PREPL: variants seen among roughly 807,000 people sequenced by gnomAD.
PREPL encodes the protein prolyl endopeptidase like.
PREPL carries 77 observed loss-of-function variants against 70.6 expected under a neutral mutation model. The observed-to-expected ratio is 1.09, with a 90% CI of 0.91 to 1.32. The LOEUF is 1.32. Ranked by LOEUF, PREPL falls within the 40% of genes most tolerant of loss-of-function variation. The pLI is 0.00. For synonymous variants in PREPL, 315 were observed against 264.8 expected (o/e 1.19, Z -1.84); for missense variants, 1,002 against 778.2 (o/e 1.29, Z -3.42).
rs1672679414 is a variant in PREPL at position 44,318,929 on chromosome 2, T to C, written c.*2427A>G. The C allele has an allele frequency of 6.6e-6, 1 of 152,080 alleles. No individual in the cohort carries two copies. The highest frequency in any genetic ancestry group is 1.5e-5 in the Non-Finnish European group (1 of 68,014). The allele number at this position is 152,080 out of a possible 1,614,324, so 9.4% of individuals were successfully genotyped here. ...AATACTCAAATGCAAAATCAACAAATCTGCAATTACAGAAAAAGACTTCAA... is the reference window on the plus strand; with the variant it reads ...AATACTCAAATGCAAAATCAACAAACCTGCAATTACAGAAAAAGACTTCAA... On this transcript the variant is annotated 3_prime_UTR_variant, in exon 14 of 14. Coordinates refer to ENST00000409411, the MANE Select transcript of PREPL (RefSeq NM_001171613.2).
At position 44,321,323 on chromosome 2, in the gene PREPL, G is replaced by A. The variant is rs747238409; in HGVS notation, c.*33C>T. The A allele has an allele frequency of 9.3e-6, 14 of 1,498,340 alleles. No individual in the cohort carries two copies. Among genetic ancestry groups the A allele is most frequent in the Non-Finnish European group, 1.3e-5 (14 of 1,079,558 alleles). 92.8% of individuals were successfully genotyped at this position (1,498,340 alleles called of 1,614,324 possible). ...GGAAGTAAGACTATGAAATATTTCA[G>A]TGTGTTTCCAATTCCCAGTTGAATG... On this transcript the variant is annotated 3_prime_UTR_variant, in exon 14 of 14. Coordinates refer to ENST00000409411, the MANE Select transcript of PREPL (RefSeq NM_001171613.2).
chr2:44,338,830 CAGA>C (rs1261389645), intron 6 of PREPL, among the ~76,000 whole-genome samples: 5 of 152,182 alleles, frequency 3.3e-5, no homozygotes, highest in African/African-American at 1.2e-4. Context: ...CTGATATCAG[CAGA>C]AGAACTGCCT....
Position 44,320,873 on chromosome 2 carries a change from G to T in PREPL, c.*483C>A. ...CTTTATTCAGATAGCATCAATCAGG[G>T]ATGACCAGAACACATTAGGACCCCA... On this transcript the variant is annotated 3_prime_UTR_variant, in exon 14 of 14. Transcript: ENST00000409411. 1 of 546,584 alleles carries T rather than the reference G, an allele frequency of 1.8e-6. No individual in the cohort carries two copies. The highest frequency in any genetic ancestry group is 3.2e-5 in the East Asian group (1 of 31,184). The allele number at this position is 546,584 out of a possible 1,614,324, so 33.9% of individuals were successfully genotyped here. A position where few individuals can be genotyped will look rare whatever the true frequency, so the allele number is the denominator to read the frequency against.
In PREPL at chr2:44,332,576, T is replaced by C; in HGVS notation, c.969A>G (p.Ile323Met). ...TGTATGTGTAATATTTTGGGGGACG[T>C]ATTGGAGAGCAAAGTTGAAAGGGGC... is the stretch of plus-strand genomic sequence containing the variant. The part of the protein sequence containing the change: ...KNCPFQLCSP[I>M]RPPKYYTYKF... Residue 323 changes from isoleucine to methionine, a missense_variant, in exon 8 of 14, where the codon ATA becomes ATG. Physicochemically the swap from Ile to Met is conservative, Grantham distance 10 (BLOSUM62 1). Transcript: ENST00000409411. The C allele has an allele frequency of 6.2e-7, 1 of 1,613,866 alleles. No individual in the cohort carries two copies. Among genetic ancestry groups the C allele is most frequent in the Non-Finnish European group, 8.5e-7 (1 of 1,179,744 alleles).
chr2:44,347,651 G>T (rs908546105), intron 1 of PREPL, among the ~76,000 whole-genome samples: 1 of 152,160 alleles, frequency 6.6e-6, no homozygotes, highest in African/African-American at 2.4e-5. Flanking sequence ...GGTTTGCCTT[G>T]TTTAAGCAAA....
intron 13 of PREPL, 28 bp downstream of exon 13, chr2:44,321,799 G>C: frequency 6.2e-7 from 1 of 1,613,792 alleles, no homozygotes; most frequent in Non-Finnish European, 8.5e-7. Flanking sequence ...TCGGGAATCT[G>C]TCCACTGAGA....
At chr2:44,339,493 C>T (rs531824562) in intron 5 of PREPL, 130 bp from the exon 6 acceptor site, 1 of 1,325,494 alleles carries the variant, frequency 7.5e-7, no homozygotes, top group African/African-American at 1.5e-5. Flanking sequence ...AAAATAATTC[C>T]TTAGTGAATA....
chr2:44,346,431 G>T lies in PREPL; in HGVS notation c.-48-41C>A, dbSNP rs745943257. 4.4e-6 allele frequency: 7 copies of T among 1,590,156 alleles called. No individual in the cohort carries two copies. The African/African-American group carries it at 6.8e-5, about 16-fold the overall frequency. ...TTATGATCAAAATATTTCAAACTAG[G>T]GAAAAAAAACTTTTGCTTTTTAAAG... On this transcript the variant is annotated intron_variant, in intron 1 of 13. Transcript: ENST00000409411.
At chr2:44,342,859 G>A (rs1357497982) in intron 4 of PREPL, among the ~76,000 whole-genome samples, 1 of 152,186 alleles carries the variant, frequency 6.6e-6, no homozygotes, top group Non-Finnish European at 1.5e-5. Flanking sequence ...TTTGCTTTTA[G>A]GAGGTGAATT....
In PREPL at chr2:44,320,235, T is replaced by C. The variant is rs766431278; in HGVS notation, c.*1121A>G. 4.3e-6 allele frequency: 7 copies of C among 1,613,930 alleles called. No individual in the cohort carries two copies. Among genetic ancestry groups the C allele is most frequent in the African/African-American group, 2.7e-5 (2 of 74,928 alleles). On this transcript the variant is annotated 3_prime_UTR_variant, in exon 14 of 14. Transcript: ENST00000409411. ...TCAGCCCAGATCGGCTTTGAAGTTATATCAAGATTTAAGTCTACTTCATGC... is the reference window on the plus strand; with the variant it reads ...TCAGCCCAGATCGGCTTTGAAGTTACATCAAGATTTAAGTCTACTTCATGC...
chr2:44,333,606 C>G (rs546977407), intron 7 of PREPL, among the ~76,000 whole-genome samples: 2 of 143,244 alleles, frequency 1.4e-5, no homozygotes, highest in African/African-American at 5.2e-5. Context: ...TTTACGTTCT[C>G]TGAGCAAATC....
At chr2:44,328,003 C>G (rs1673694059) in intron 9 of PREPL, among the ~76,000 whole-genome samples, 1 of 147,014 alleles carries the variant, frequency 6.8e-6, no homozygotes, top group Non-Finnish European at 1.5e-5. Flanking sequence ...ACAAAAAAAT[C>G]GGGCTGGTAC....
chr2:44,338,316 G>C, intron 7 of PREPL, 35 bp downstream of exon 7: 2 of 1,550,486 alleles, frequency 1.3e-6, no homozygotes, highest in Non-Finnish European at 1.8e-6. Context: ...TAAATATTTT[G>C]ATTAACAGTA....
In PREPL at chr2:44,339,792, C is replaced by G. The variant is rs144327332; in HGVS notation, c.486-429G>C. Among the ~76,000 whole-genome samples the G allele has an allele frequency of 4.8e-3, 729 of 152,176 alleles. 8 individuals are homozygous for G. Among genetic ancestry groups the G allele is most frequent in the African/African-American group, 0.017 (691 of 41,530 alleles). ...CTTTTTGCTGAGAAGAGGAAATAAA[C>G]TTTCTATAGGAGACACAAATAGGGA... is the stretch of plus-strand genomic sequence containing the variant. On this transcript the variant is annotated intron_variant, in intron 5 of 13. Transcript: ENST00000409411.
chr2:44,339,783 G>C (rs1036421699), intron 5 of PREPL, among the ~76,000 whole-genome samples: 11 of 152,060 alleles, frequency 7.2e-5, no homozygotes, highest in Non-Finnish European at 1.3e-4. Context: ...GCTGAGAAGA[G>C]GAAATAAACT....
chr2:44,332,650 G>C lies in PREPL; in HGVS notation c.895C>G (p.Pro299Ala). The C allele has an allele frequency of 6.2e-7, 1 of 1,610,432 alleles. No homozygotes were observed. The highest frequency in any genetic ancestry group is 8.5e-7 in the Non-Finnish European group (1 of 1,178,030). ...DDSVRSLKLP[P>A]WACGFIMDTN... ...TCCATTATGAATCCACAGGCCCAAG[G>C]AGGGAGCTAAAGAAATACAACAGCT... Residue 299 changes from proline to alanine, a missense_variant, in exon 8 of 14, where the codon CCT (proline) becomes GCT (alanine). By Grantham distance (27) the Pro-to-Ala change is conservative. Transcript: ENST00000409411.
intron 1 of PREPL, among the ~76,000 whole-genome samples, chr2:44,355,095 G>T (rs772285564): frequency 4.7e-4 from 71 of 152,178 alleles, no homozygotes; most frequent in Admixed American, 6.5e-5. Context: ...GATCATAATA[G>T]CTTTGTGTCA....
chr2:44,321,709 C>T (rs755444826), intron 13 of PREPL, 118 bp downstream of exon 13: 1 of 1,588,270 alleles, frequency 6.3e-7, no homozygotes, highest in African/African-American at 1.3e-5. Context: ...GGGTCTCACC[C>T]ATAGATAGGA....
chr2:44,321,475 A>G, intron 13 of PREPL, 30 bp from the exon 14 acceptor site: 1 of 1,598,826 alleles, frequency 6.3e-7, no homozygotes, highest in Non-Finnish European at 8.6e-7. Flanking sequence ...AAAATTAAAT[A>G]GAAGGCCTTT....
Sources: allele counts gnomAD v4.1 joint callset (sites outside exome capture counted in the v4.1 genomes callset), GRCh38; gene constraint gnomAD v4.1.1; transcripts MANE v1.5; gene names NCBI Gene and HGNC (gene_info 2026-07-23, HGNC 2026-07-21).